The following USP3 variants were observed in gnomAD, a reference collection of about 807,000 sequenced individuals.
USP3 encodes the protein ubiquitin specific peptidase 3, also known as ubiquitin carboxyl-terminal hydrolase 3.
USP3 carries 20 observed loss-of-function variants against 72.3 expected under a neutral mutation model. That is an observed-to-expected ratio of 0.28 (90% CI 0.19 to 0.40). The LOEUF (loss-of-function observed/expected upper bound fraction) is 0.40, where lower values mean the gene tolerates loss of function less well. Ranked by LOEUF, USP3 falls within the 10% of genes least tolerant of loss-of-function variation. The pLI is 1.00. For synonymous variants in USP3, 222 were observed against 225.3 expected, an observed-to-expected ratio of 0.99 and a Z score of 0.13; for missense variants, 479 against 633.9, an observed-to-expected ratio of 0.76 and a Z score of 2.62.
Position 63,574,113 on chromosome 15 carries a change from A to G in USP3, c.976A>G (p.Ile326Val), listed in dbSNP as rs974167347. ...GILQNEVNCL[I>V]CGTESRKFDP... ...TCTCCAAAATGAGGTTAACTGCCTC[A>G]TATGTGGGACAGAATCTAGAAAGTT... Residue 326 changes from isoleucine (I) to valine (V), a missense_variant, in exon 10 of 15, where the codon ATA becomes GTA. Transcript: ENST00000380324. The surrounding 1 kb of genome is among the most constrained non-coding windows in gnomAD (Gnocchi z 4.6). 3.8e-6 allele frequency: 6 copies of G among 1,596,884 alleles called. No homozygotes were observed. The highest frequency in any genetic ancestry group is 1.3e-5 in the African/African-American group (1 of 74,890).
In USP3 at chr15:63,593,771, G is replaced by C. The variant is rs2067246188; in HGVS notation, c.*2945G>C. Reference sequence around the variant, plus strand: ...CACCTATTTTGAAAGCTGATCTTTTGTCCTCTTCAGGGCTTTTCCCTTGTG... The same window carrying C: ...CACCTATTTTGAAAGCTGATCTTTTCTCCTCTTCAGGGCTTTTCCCTTGTG... On this transcript the variant is annotated 3_prime_UTR_variant, in exon 15 of 15. Transcript: ENST00000380324. The C allele has an allele frequency of 6.6e-6, 1 of 152,248 alleles. No homozygotes were observed. The highest frequency in any genetic ancestry group is 1.5e-5 in the Non-Finnish European group (1 of 68,064). 9.4% of individuals were successfully genotyped at this position (152,248 alleles called of 1,614,324 possible). A position where few individuals can be genotyped will look rare whatever the true frequency, so the allele number is the denominator to read the frequency against.
At chr15:63,580,610 T>G (rs1208535168) in intron 11 of USP3, among the ~76,000 whole-genome samples, 1 of 132,226 alleles carries the variant, frequency 7.6e-6, no homozygotes, top group Non-Finnish European at 1.6e-5. Context: ...CCTGAAATCT[T>G]TGAGAATCTT....
chr15:63,550,741 T>G (rs1392764030), intron 3 of USP3, among the ~76,000 whole-genome samples: 1 of 152,240 alleles, frequency 6.6e-6, no homozygotes, highest in African/African-American at 2.4e-5. Flanking sequence ...TCTCAAAGAT[T>G]TTTCACTTTC....
intron 11 of USP3, among the ~76,000 whole-genome samples, chr15:63,577,530 G>A (rs2066882738): frequency 6.6e-6 from 1 of 152,152 alleles, no homozygotes; most frequent in South Asian, 2.1e-4. Flanking sequence ...GCCAAGGCAG[G>A]CGGATCATGA....
Position 63,521,141 on chromosome 15 carries a change from GA to G in USP3, c.92-11505del, listed in dbSNP as rs201085032. 6.1e-4 allele frequency among the ~76,000 whole-genome samples: 73 copies of G among 119,952 alleles called. 1 individual carries two copies. Among genetic ancestry groups the G allele is most frequent in the Middle Eastern group, 4.2e-3 (1 of 240 alleles). 78.7% of individuals were successfully genotyped at this position (119,952 alleles called of 152,430 possible). A position where few individuals can be genotyped will look rare whatever the true frequency, so the allele number is the denominator to read the frequency against. On this transcript the variant is annotated intron_variant, in intron 1 of 14. Transcript: ENST00000380324. ...ATAGCAAACTAGATACATTCTTTTG[GA>G]CTTTTTTTTTTTTTCATTTAGCTGT...
rs537186061 is a variant in USP3 at position 63,590,605 on chromosome 15, C to T, written c.1398-56C>T. ...TTAAATCTAACATTATATAGTTGTA[C>T]AGGTCTTTTTGTGATTTCTGAGGTT... On this transcript the variant is annotated intron_variant, in intron 14 of 14. Coordinates refer to ENST00000380324, the MANE Select transcript of USP3 (RefSeq NM_006537.4). The T allele has an allele frequency of 1.8e-5, 26 of 1,434,968 alleles. No individual in the cohort carries two copies. The South Asian group carries it at 3.7e-4, about 21-fold the overall frequency. 88.9% of individuals were successfully genotyped at this position (1,434,968 alleles called of 1,614,324 possible).
chr15:63,572,040 C>T (rs894235266), intron 9 of USP3, among the ~76,000 whole-genome samples: 4 of 152,162 alleles, frequency 2.6e-5, no homozygotes, highest in African/African-American at 9.7e-5. Flanking sequence ...CAGATGTGAT[C>T]TTTATAGCAC....
intron 3 of USP3, chr15:63,551,177 A>G (rs967678251): frequency 2.0e-5 from 3 of 152,198 alleles, no homozygotes; most frequent in Non-Finnish European, 4.4e-5. Context: ...GCATTTGCTG[A>G]AAATGTCTCT....
At position 63,588,919 on chromosome 15, in the gene USP3, C is replaced by G. The variant is rs1403989811; in HGVS notation, c.1330-25C>G. 6 of 1,613,948 alleles carry G rather than the reference C, an allele frequency of 3.7e-6. No homozygotes were observed. Among genetic ancestry groups the G allele is most frequent in the African/African-American group, 1.3e-5 (1 of 74,904 alleles). ...ATCGAGATACTGATGTCATTGACCACTGCTCCTTCTTCCTTGTTCTGTAGC... is the reference window on the plus strand; with the variant it reads ...ATCGAGATACTGATGTCATTGACCAGTGCTCCTTCTTCCTTGTTCTGTAGC... On this transcript the variant is annotated intron_variant, in intron 13 of 14. Transcript: ENST00000380324. The surrounding 1 kb of genome is among the most constrained non-coding windows in gnomAD (Gnocchi z 4.6).
intron 9 of USP3, among the ~76,000 whole-genome samples, chr15:63,573,674 T>G (rs978451831): frequency 1.3e-5 from 2 of 152,194 alleles, no homozygotes; most frequent in Non-Finnish European, 2.9e-5. Context: ...TTGCAAAGAT[T>G]CCAATACAAG....
chr15:63,583,427 C>A (rs961629188), intron 11 of USP3, among the ~76,000 whole-genome samples: 1 of 152,014 alleles, frequency 6.6e-6, no homozygotes, highest in Non-Finnish European at 1.5e-5. Context: ...TATACTCCAG[C>A]CTGCATGACA....
chr15:63,504,758 A>G lies in USP3; in HGVS notation c.19A>G (p.Ser7Gly). 6.2e-7 allele frequency: 1 copy of G among 1,611,186 alleles called. No homozygotes were observed. Among genetic ancestry groups the G allele is most frequent in the Non-Finnish European group, 8.5e-7 (1 of 1,178,848 alleles). ...CGTGGCCATGGAGTGTCCACACCTG[A>G]GCTCCAGCGTCTGCATTGCTCCGGA... MECPHL[S>G]SSVCIAPDSA... The change falls in exon 1 of 15, where the codon AGC (serine) becomes GGC (glycine). Residue 7 changes from serine (S) to glycine (G), a missense_variant. Transcript: ENST00000380324.
At chr15:63,583,310 T>C (rs1362037586) in intron 11 of USP3, among the ~76,000 whole-genome samples, 2 of 151,754 alleles carry the variant, frequency 1.3e-5, no homozygotes, top group African/African-American at 4.8e-5. Context: ...AAGCAGACAT[T>C]GTCAATTAAA....
Position 63,542,138 on chromosome 15 carries a change from A to G in USP3, c.284+4982A>G, listed in dbSNP as rs534729614. The G allele has an allele frequency of 1.4e-5, 14 of 985,168 alleles. No individual in the cohort carries two copies. The South Asian group carries it at 3.3e-4, about 23-fold the overall frequency. The allele number at this position is 985,168 out of a possible 1,614,324, so 61.0% of individuals were successfully genotyped here. A position where few individuals can be genotyped will look rare whatever the true frequency, so the allele number is the denominator to read the frequency against. Reference sequence around the variant, plus strand: ...GGAAGTCATGACTTGAGTAACTTCAATAGCACTAACAACAGGAATTGAAAA... The same window carrying G: ...GGAAGTCATGACTTGAGTAACTTCAGTAGCACTAACAACAGGAATTGAAAA... On this transcript the variant is annotated intron_variant, in intron 3 of 14. Coordinates refer to ENST00000380324, the MANE Select transcript of USP3 (RefSeq NM_006537.4).
At chr15:63,542,073 G>C (rs1253769730) in intron 3 of USP3, 1 of 985,050 alleles carries the variant, frequency 1.0e-6, no homozygotes, top group Non-Finnish European at 1.2e-6. Flanking sequence ...AGAATGGTTT[G>C]CTTTGGGAAT....
chr15:63,567,828 A>AT (rs2066715313), intron 8 of USP3, among the ~76,000 whole-genome samples: 1 of 152,178 alleles, frequency 6.6e-6, no homozygotes, highest in Admixed American at 6.5e-5. Flanking sequence ...ATTTGGGGAA[A>AT]TTTGGTTTGT....
At chr15:63,568,088 C>G (rs1288271676) in intron 8 of USP3, among the ~76,000 whole-genome samples, 2 of 152,092 alleles carry the variant, frequency 1.3e-5, no homozygotes, top group African/African-American at 4.8e-5. Flanking sequence ...GGTATGGTGG[C>G]TCATGCCTGT....
In USP3 at chr15:63,504,826, C is replaced by T. The variant is rs753387389; in HGVS notation, c.87C>T (p.Cys29=). 3.1e-6 allele frequency: 5 copies of T among 1,606,298 alleles called. No homozygotes were observed. The highest frequency in any genetic ancestry group is 1.1e-5 in the South Asian group (1 of 90,178). The change falls in exon 1 of 15, where the codon TGC becomes TGT. Residue 29 remains cysteine, a synonymous_variant. Coordinates refer to ENST00000380324, the MANE Select transcript of USP3 (RefSeq NM_006537.4). The stretch of plus-strand genomic sequence containing the variant: ...ACGGCTCCCCGTCGTCCTGGTGCTG[C>T]AGCGGTGAGTGCGGCCACGGGCCGG... The part of the protein sequence containing the change: ...FPNGSPSSWC[C]SVCRSNKSPW...
intron 6 of USP3, 79 bp from the exon 7 acceptor site, chr15:63,559,778 G>GTA: frequency 8.1e-7 from 1 of 1,241,550 alleles, no homozygotes; most frequent in Non-Finnish European, 1.1e-6. Flanking sequence ...GTTTCAAAAT[G>GTA]TATATGTAGG....
Sources: gnomAD v4.1 joint callset for allele counts (sites outside exome capture counted in the v4.1 genomes callset) on GRCh38, gnomAD v4.1.1 for gene constraint, Gnocchi (gnomAD v3.1) non-coding constraint, MANE v1.5 for transcripts, NCBI Gene and HGNC (gene_info 2026-07-23, HGNC 2026-07-21) for gene names.